The following NWD2 variants were observed in gnomAD, a reference collection of about 807,000 sequenced individuals.
NWD2 encodes NACHT and WD repeat domain containing 2.
Under a neutral mutation model 132.7 loss-of-function variants are expected in NWD2, and 37 were observed. The observed-to-expected ratio is 0.28, with a 90% CI of 0.21 to 0.37. The LOEUF is 0.37. NWD2 is among the 10% of genes least tolerant of loss of function. The pLI is 1.00. For missense variants in NWD2, 1,592 were observed against 2,122.4 expected (o/e 0.75, Z 4.91); for synonymous variants, 705 against 803.0 (o/e 0.88, Z 2.06).
intron 3 of NWD2, among the ~76,000 whole-genome samples, chr4:37,374,320 C>T (rs1458060551): frequency 6.6e-6 from 1 of 152,164 alleles, no homozygotes; most frequent in African/African-American, 2.4e-5. Context: ...GAAGCAGATG[C>T]TGATGCCATG....
chr4:37,289,896 T>TC (rs1718323364), intron 1 of NWD2, among the ~76,000 whole-genome samples: 1 of 151,970 alleles, frequency 6.6e-6, no homozygotes, highest in Non-Finnish European at 1.5e-5. Flanking sequence ...GCTTTTTTTT[T>TC]CCGGAGTTGT....
chr4:37,405,757 C>T (rs1720990903), intron 3 of NWD2, among the ~76,000 whole-genome samples: 1 of 152,158 alleles, frequency 6.6e-6, no homozygotes, highest in African/African-American at 2.4e-5. Flanking sequence ...TAATTTCACC[C>T]AGAGTGCTCT....
intron 3 of NWD2, among the ~76,000 whole-genome samples, chr4:37,389,933 C>T (rs1290470041): frequency 6.6e-6 from 1 of 152,090 alleles, no homozygotes; most frequent in Non-Finnish European, 1.5e-5. Flanking sequence ...GTCCCCACCA[C>T]CATGCCTGGC....
At chr4:37,294,300 G>C (rs984351819) in intron 1 of NWD2, among the ~76,000 whole-genome samples, 22 of 152,180 alleles carry the variant, frequency 1.4e-4, no homozygotes, top group Admixed American at 1.4e-3. Context: ...GCAGTTGACT[G>C]TAGGTTATTT....
chr4:37,302,136 A>G (rs1305875755), intron 1 of NWD2, among the ~76,000 whole-genome samples: 2 of 151,758 alleles, frequency 1.3e-5, no homozygotes, highest in Non-Finnish European at 2.9e-5. Flanking sequence ...CCCAGAATCT[A>G]GTATCCACAA....
intron 1 of NWD2, among the ~76,000 whole-genome samples, chr4:37,311,883 G>A (rs1230979221): frequency 6.6e-6 from 1 of 151,076 alleles, no homozygotes; most frequent in Non-Finnish European, 1.5e-5. Context: ...TATTAAATAG[G>A]GAATCCTTTC....
intron 1 of NWD2, among the ~76,000 whole-genome samples, chr4:37,324,619 C>T (rs1281727849): frequency 2.0e-5 from 3 of 152,136 alleles, no homozygotes; most frequent in Non-Finnish European, 4.4e-5. Context: ...ACAGCTCCTC[C>T]GATGGGTGTC....
Position 37,356,412 on chromosome 4 carries a change from C to T in NWD2, c.287C>T (p.Pro96Leu). 6.4e-7 allele frequency: 1 copy of T among 1,551,476 alleles called. No individual in the cohort carries two copies. The highest frequency in any genetic ancestry group is 8.7e-7 in the Non-Finnish European group (1 of 1,146,850). ...GTGGAAGAAGATGAGTGGGACAGCC[C>T]AGAGCTCCAGAAGACCCGCATGAAG... ...WGVEEDEWDSPELQKTRMKLL... is the reference protein window; with the variant it reads ...WGVEEDEWDSLELQKTRMKLL... Residue 96 changes from proline (P) to leucine (L), a missense_variant, in exon 3 of 7, where the codon CCA (proline) becomes CTA (leucine). Coordinates refer to ENST00000309447, the MANE Select transcript of NWD2 (RefSeq NM_001144990.2).
intron 3 of NWD2, among the ~76,000 whole-genome samples, chr4:37,391,805 G>A (rs917249617): frequency 1.3e-5 from 2 of 152,168 alleles, no homozygotes; most frequent in Non-Finnish European, 2.9e-5. Context: ...CTCCTGCCCC[G>A]CTGTCTTCCC....
chr4:37,294,192 TC>T (rs1322424593), intron 1 of NWD2, among the ~76,000 whole-genome samples: 3 of 151,984 alleles, frequency 2.0e-5, no homozygotes, highest in Non-Finnish European at 1.5e-5. Flanking sequence ...CCTCTAATGT[TC>T]CCAGGCCTTC....
chr4:37,311,804 T>C (rs900739797), intron 1 of NWD2, among the ~76,000 whole-genome samples: 43 of 149,368 alleles, frequency 2.9e-4, no homozygotes, highest in Non-Finnish European at 5.6e-4. Flanking sequence ...TTAATTTTTG[T>C]ATAAGGTATA....
In NWD2 at chr4:37,444,147, T is replaced by C. The variant is rs1174735008; in HGVS notation, c.2159T>C (p.Ile720Thr). 5.2e-6 allele frequency: 8 copies of C among 1,551,516 alleles called. No individual in the cohort carries two copies. The highest frequency in any genetic ancestry group is 7.0e-6 in the Non-Finnish European group (8 of 1,146,992). The change falls in exon 7 of 7, where the codon ATA becomes ACA. Residue 720 changes from isoleucine to threonine, a missense_variant. By Grantham distance (89) the Ile-to-Thr change is moderately conservative. Coordinates refer to ENST00000309447, the MANE Select transcript of NWD2 (RefSeq NM_001144990.2). This position sits in a 1 kb window ranked among gnomAD's most constrained non-coding sequence, Gnocchi z 4.8. Reference protein sequence around the residue: ...RLKEGLSGYLIERHVKNVTLL... With the variant: ...RLKEGLSGYLTERHVKNVTLL... ...AAGGAGGGTCTCAGTGGATACCTAATAGAAAGACATGTGAAAAATGTCACA... is the reference window on the plus strand; with the variant it reads ...AAGGAGGGTCTCAGTGGATACCTAACAGAAAGACATGTGAAAAATGTCACA...
chr4:37,423,052 T>C (rs1711871908), intron 3 of NWD2, among the ~76,000 whole-genome samples: 1 of 152,080 alleles, frequency 6.6e-6, no homozygotes, highest in South Asian at 2.1e-4. Context: ...AGAACCATCA[T>C]GGATATCTGG....
At position 37,402,032 on chromosome 4, in the gene NWD2, C is replaced by T. The variant is rs941524866; in HGVS notation, c.358-28540C>T. On this transcript the variant is annotated intron_variant, in intron 3 of 6. Coordinates refer to ENST00000309447, the MANE Select transcript of NWD2 (RefSeq NM_001144990.2). ...AATTCATTAATCATAAATTGATTAA[C>T]ACCATTACCTTAGGAGTGAATTCGT... Among the ~76,000 whole-genome samples, 7 of 152,164 alleles carry T rather than the reference C, an allele frequency of 4.6e-5. No homozygotes were observed. In the South Asian group the frequency reaches 6.2e-4, roughly 14 times the overall value.
intron 1 of NWD2, among the ~76,000 whole-genome samples, chr4:37,300,726 A>G (rs1026322489): frequency 1.3e-5 from 2 of 152,106 alleles, no homozygotes; most frequent in Non-Finnish European, 2.9e-5. Context: ...ACTACCCTAG[A>G]AATTTTAATA....
intron 3 of NWD2, among the ~76,000 whole-genome samples, chr4:37,365,161 T>A (rs1367603799): frequency 6.6e-6 from 1 of 152,242 alleles, no homozygotes; most frequent in African/African-American, 2.4e-5. Context: ...ATGATGAGAT[T>A]TCTTAAATCA....
chr4:37,416,296 G>T (rs1187284205), intron 3 of NWD2, among the ~76,000 whole-genome samples: 1 of 152,002 alleles, frequency 6.6e-6, no homozygotes, highest in East Asian at 1.9e-4. Flanking sequence ...TCTGAGCATG[G>T]AACTTATATT....
At chr4:37,274,296 T>C (rs1717941063) in intron 1 of NWD2, among the ~76,000 whole-genome samples, 1 of 152,072 alleles carries the variant, frequency 6.6e-6, no homozygotes, top group Non-Finnish European at 1.5e-5. Context: ...GAGAATACTA[T>C]AAACACCTCT....
intron 1 of NWD2, among the ~76,000 whole-genome samples, chr4:37,262,569 C>G (rs1423381848): frequency 6.6e-6 from 1 of 152,120 alleles, no homozygotes; most frequent in East Asian, 1.9e-4. Context: ...CTGGGTTTCC[C>G]TACCCACTCC....
Sources: gnomAD v4.1 joint callset for allele counts (sites outside exome capture counted in the v4.1 genomes callset) on GRCh38, gnomAD v4.1.1 for gene constraint, Gnocchi (gnomAD v3.1) non-coding constraint, MANE v1.5 for transcripts, NCBI Gene and HGNC (gene_info 2026-07-23, HGNC 2026-07-21) for gene names.